The following SPEF2 variants were observed in gnomAD, a reference collection of about 807,000 sequenced individuals.
SPEF2 encodes sperm flagella and cilia-associated protein 2.
In SPEF2, 187 loss-of-function variants were observed where a neutral mutation model predicts 224.6. The observed-to-expected ratio is 0.83, with a 90% CI of 0.74 to 0.94. SPEF2 has a LOEUF of 0.94. Among genes scored for constraint, SPEF2 ranks in the 40% least tolerant of loss-of-function variants. The pLI is 0.00. For missense variants in SPEF2, 2,170 were observed against 2,135.6 expected, an observed-to-expected ratio of 1.02 and a Z score of -0.32; for synonymous variants, 715 against 707.3, an observed-to-expected ratio of 1.01 and a Z score of -0.17.
At chr5:35,798,566 T>G (rs1471729358) in intron 33 of SPEF2, among the ~76,000 whole-genome samples, 1 of 152,124 alleles carries the variant, frequency 6.6e-6, no homozygotes, top group African/African-American at 2.4e-5. Flanking sequence ...GCCTGCTCTT[T>G]TTTCTGTGTT....
intron 16 of SPEF2, chr5:35,702,450 G>C: frequency 2.5e-6 from 1 of 404,826 alleles, no homozygotes; most frequent in Non-Finnish European, 5.0e-6. Context: ...TTAGCCATTG[G>C]TCAGCCTGAG....
chr5:35,723,795 C>T (rs888056119), intron 20 of SPEF2, among the ~76,000 whole-genome samples: 1 of 152,106 alleles, frequency 6.6e-6, no homozygotes, highest in Non-Finnish European at 1.5e-5. Context: ...AGATTTTTAT[C>T]ACCTGAGACC....
chr5:35,756,350 T>A (rs1750445155), intron 24 of SPEF2, among the ~76,000 whole-genome samples: 1 of 152,200 alleles, frequency 6.6e-6, no homozygotes, highest in African/African-American at 2.4e-5. Flanking sequence ...TAAGGGAGTG[T>A]CTACTGTATT....
chr5:35,644,629 C>T (rs1747091691), intron 4 of SPEF2, 104 bp downstream of exon 4: 14 of 848,496 alleles, frequency 1.6e-5, no homozygotes, highest in Non-Finnish European at 2.0e-5. Flanking sequence ...GCACAAGTTG[C>T]ACTTCCCTGA....
At chr5:35,700,065 GCACAA>G in intron 15 of SPEF2, 1 of 170,246 alleles carries the variant, frequency 5.9e-6, no homozygotes, top group Non-Finnish European at 1.3e-5. Context: ...GAGTTTCTCT[GCACAA>G]GCTCTCGATT....
chr5:35,680,600 C>T (rs564937514), intron 10 of SPEF2, among the ~76,000 whole-genome samples: 73 of 152,124 alleles, frequency 4.8e-4, no homozygotes, highest in Non-Finnish European at 8.8e-4. Context: ...TTCCCTCCCA[C>T]TGTTCACAGT....
At chr5:35,686,273 A>G (rs1439599413) in intron 10 of SPEF2, among the ~76,000 whole-genome samples, 2 of 152,040 alleles carry the variant, frequency 1.3e-5, no homozygotes, top group Non-Finnish European at 2.9e-5. Context: ...TTGAAGTTTG[A>G]ATAGTTTAAT....
At position 35,627,184 on chromosome 5, in the gene SPEF2, A is replaced by G. The variant is rs191738888; in HGVS notation, c.59-1276A>G. Among the ~76,000 whole-genome samples, 357 of 152,150 alleles carry G rather than the reference A, an allele frequency of 2.3e-3. 2 individuals are homozygous for G. Among genetic ancestry groups the G allele is most frequent in the African/African-American group, 8.3e-3 (346 of 41,520 alleles). Reference sequence around the variant, plus strand: ...GATAGCTTTGGCCTATGATAATATAATTTATTTTGTATATAATCCTTAAAT... The same window carrying G: ...GATAGCTTTGGCCTATGATAATATAGTTTATTTTGTATATAATCCTTAAAT... On this transcript the variant is annotated intron_variant, in intron 1 of 36. Coordinates refer to ENST00000356031, the MANE Select transcript of SPEF2 (RefSeq NM_024867.4).
intron 20 of SPEF2, among the ~76,000 whole-genome samples, chr5:35,723,245 A>T (rs538246955): frequency 7.9e-5 from 12 of 152,178 alleles, no homozygotes; most frequent in Admixed American, 3.3e-4. Context: ...AAAAGACAAA[A>T]GTGAAAGGAA....
chr5:35,673,842 AACATGTGTACGCCTGTCACT>A (rs1455993493), intron 10 of SPEF2, among the ~76,000 whole-genome samples: 3 of 152,176 alleles, frequency 2.0e-5, no homozygotes, highest in Non-Finnish European at 2.9e-5. Flanking sequence ...GTTATGGTTT[AACATGTGTACGCCTGTCACT>A]ACAGCACATG....
chr5:35,648,658 C>G (rs1747747931), intron 5 of SPEF2, among the ~76,000 whole-genome samples: 1 of 152,062 alleles, frequency 6.6e-6, no homozygotes, highest in Non-Finnish European at 1.5e-5. Context: ...GTTTGTAAAA[C>G]ACAAAGATGA....
chr5:35,694,073 T>A (rs957616803), intron 12 of SPEF2, among the ~76,000 whole-genome samples: 1 of 152,228 alleles, frequency 6.6e-6, no homozygotes. Flanking sequence ...CACAGGTTGC[T>A]GTGTATTTCT....
At chr5:35,805,177 T>G (rs1757907028) in intron 34 of SPEF2, among the ~76,000 whole-genome samples, 1 of 152,206 alleles carries the variant, frequency 6.6e-6, no homozygotes, top group African/African-American at 2.4e-5. Flanking sequence ...AATCTTCACC[T>G]GTTAGAGCAT....
intron 1 of SPEF2, among the ~76,000 whole-genome samples, chr5:35,626,234 A>G (rs948821509): frequency 3.3e-5 from 5 of 152,314 alleles, no homozygotes; most frequent in South Asian, 2.1e-4. Context: ...ACATTAAGAC[A>G]TAGCTTCGGA....
chr5:35,695,768 A>C lies in SPEF2; in HGVS notation c.2009A>C (p.Glu670Ala). 2 of 1,610,196 alleles carry C rather than the reference A, an allele frequency of 1.2e-6. No homozygotes were observed. Among genetic ancestry groups the C allele is most frequent in the African/African-American group, 2.7e-5 (2 of 74,962 alleles). ...ANADKTPKAE[E>A]VKSSDSFLKL... ...GCTGATAAAACACCAAAAGCTGAAG[A>C]AGTCAAATCAAGTGATAGTTTCTTA... Residue 670 changes from glutamate to alanine, a missense_variant, in exon 14 of 37, where the codon GAA becomes GCA. By Grantham distance (107) the Glu-to-Ala change is moderately radical. Coordinates refer to ENST00000356031, the MANE Select transcript of SPEF2 (RefSeq NM_024867.4).
intron 30 of SPEF2, chr5:35,788,085 G>A (rs1169907306): frequency 5.7e-6 from 4 of 702,892 alleles, no homozygotes; most frequent in Non-Finnish European, 1.0e-5. Flanking sequence ...TTTTTTTATG[G>A]TACTGACAAC....
chr5:35,744,294 C>G (rs540630467), intron 23 of SPEF2, among the ~76,000 whole-genome samples: 1 of 152,154 alleles, frequency 6.6e-6, no homozygotes, highest in Admixed American at 6.5e-5. Context: ...CTCTTAAATA[C>G]GTCTCTGATT....
At chr5:35,738,943 A>G (rs1747116583) in intron 21 of SPEF2, among the ~76,000 whole-genome samples, 1 of 151,990 alleles carries the variant, frequency 6.6e-6, no homozygotes, top group South Asian at 2.1e-4. Context: ...CTTCCTCCCA[A>G]GCTTTACCAG....
Position 35,704,575 on chromosome 5 carries a change from C to T in SPEF2, c.2420C>T (p.Thr807Ile). The change falls in exon 17 of 37, where the codon ACT becomes ATT. Residue 807 changes from threonine to isoleucine, a missense_variant. Thr to Ile is a moderately conservative substitution (Grantham distance 89). Coordinates refer to ENST00000356031, the MANE Select transcript of SPEF2 (RefSeq NM_024867.4). ...ATAGCTGAAGAATTGTCCTATAAAA[C>T]TGCTCACGAAGATATCAGTCAACGT... is the stretch of plus-strand genomic sequence containing the variant. ...DIIAEELSYK[T>I]AHEDISQRVA... 1.2e-6 allele frequency: 2 copies of T among 1,611,082 alleles called. No individual in the cohort carries two copies. The highest frequency in any genetic ancestry group is 1.7e-6 in the Non-Finnish European group (2 of 1,178,776).
Sources: allele counts gnomAD v4.1 joint callset (sites outside exome capture counted in the v4.1 genomes callset), GRCh38; gene constraint gnomAD v4.1.1; transcripts MANE v1.5; gene names NCBI Gene and HGNC (gene_info 2026-07-23, HGNC 2026-07-21).